PCDHGB6: variants seen among roughly 807,000 people sequenced by gnomAD.
PCDHGB6 encodes the protein protocadherin gamma subfamily B, 6, also known as protocadherin gamma-B6.
A neutral mutation model predicts 59.1 loss-of-function variants in PCDHGB6; 51 were observed. The observed-to-expected ratio is 0.86, with a 90% CI of 0.69 to 1.09. The LOEUF (loss-of-function observed/expected upper bound fraction) is 1.09, where lower values mean the gene tolerates loss of function less well. Ranked by LOEUF, PCDHGB6 falls within the 50% of genes least tolerant of loss-of-function variation. PCDHGB6 has a pLI of 0.00. For missense variants in PCDHGB6, 1,148 were observed against 1,205.1 expected (o/e 0.95, Z 0.70); for synonymous variants, 466 against 495.1 (o/e 0.94, Z 0.78).
intron 2 of PCDHGB6, among the ~76,000 whole-genome samples, chr5:141,497,721 G>A (rs2099778948): frequency 6.6e-6 from 1 of 152,006 alleles, no homozygotes; most frequent in African/African-American, 2.4e-5. Flanking sequence ...TGTATTTTTA[G>A]TAGAGATGGG....
chr5:141,455,529 G>A (rs2098825323), intron 1 of PCDHGB6, among the ~76,000 whole-genome samples: 1 of 152,146 alleles, frequency 6.6e-6, no homozygotes, highest in Non-Finnish European at 1.5e-5. Flanking sequence ...GGTTTGACCA[G>A]GCATATCATT....
intron 1 of PCDHGB6, chr5:141,479,646 A>G (rs2099501987): frequency 6.6e-6 from 1 of 152,256 alleles, no homozygotes; most frequent in Admixed American, 6.5e-5. Context: ...CAACAACAAC[A>G]ACAACAATCC....
In PCDHGB6 at chr5:141,485,146, G is replaced by C; in HGVS notation, c.2419-9661G>C. 6.4e-7 allele frequency: 1 copy of C among 1,569,470 alleles called. No individual in the cohort carries two copies. Among genetic ancestry groups the C allele is most frequent in the Non-Finnish European group, 8.7e-7 (1 of 1,143,568 alleles). On this transcript the variant is annotated intron_variant, in intron 1 of 3. Transcript: ENST00000520790. The surrounding 1 kb of genome is among the most constrained non-coding windows in gnomAD (Gnocchi z 5.7). Reference sequence around the variant, plus strand: ...GGTCGGCTTCATCCGCGTCTCAGGAGCAAGTAGAGAATTAGCGGGCGGCAG... The same window carrying C: ...GGTCGGCTTCATCCGCGTCTCAGGACCAAGTAGAGAATTAGCGGGCGGCAG...
chr5:141,475,384 A>T (rs2099362853), intron 1 of PCDHGB6, among the ~76,000 whole-genome samples: 1 of 152,370 alleles, frequency 6.6e-6, no homozygotes, highest in East Asian at 1.9e-4. Flanking sequence ...TTTAAATTTT[A>T]TAAGCCAGAG....
chr5:141,420,067 A>G (rs2096463342), intron 1 of PCDHGB6: 2 of 1,614,034 alleles, frequency 1.2e-6, no homozygotes, highest in East Asian at 2.2e-5. Flanking sequence ...CCAAGTCCGG[A>G]CCTGTGGGTC....
intron 1 of PCDHGB6, among the ~76,000 whole-genome samples, chr5:141,481,103 C>G (rs190529217): frequency 2.6e-4 from 39 of 152,252 alleles, no homozygotes; most frequent in Non-Finnish European, 3.4e-4. Context: ...TACTCTGGAA[C>G]CTACCAATCC....
At chr5:141,428,163 C>T (rs759273230) in intron 1 of PCDHGB6, 77 of 1,564,636 alleles carry the variant, frequency 4.9e-5, no homozygotes, top group Non-Finnish European at 6.3e-5. Flanking sequence ...CTGCTGGTTG[C>T]TGTGCGTGAC....
intron 1 of PCDHGB6, among the ~76,000 whole-genome samples, chr5:141,436,477 G>A (rs748354852): frequency 1.3e-5 from 2 of 152,168 alleles, no homozygotes; most frequent in Non-Finnish European, 2.9e-5. Context: ...ATGTATCATA[G>A]AAGGATAGCA....
At chr5:141,433,607 G>T (rs1209706866) in intron 1 of PCDHGB6, among the ~76,000 whole-genome samples, 1 of 152,080 alleles carries the variant, frequency 6.6e-6, no homozygotes. Flanking sequence ...AGGCCGAGGC[G>T]GGTGGATCAC....
At position 141,493,774 on chromosome 5, in the gene PCDHGB6, C is replaced by T. The variant is rs2099749996; in HGVS notation, c.2419-1033C>T. On this transcript the variant is annotated intron_variant, in intron 1 of 3. Coordinates refer to ENST00000520790, the MANE Select transcript of PCDHGB6 (RefSeq NM_018926.3). The surrounding 1 kb of genome is among the most constrained non-coding windows in gnomAD (Gnocchi z 4.3). ...GCCTTGAGTGAGCCACTGGCAGTTC[C>T]GGAGCTTCCTTCTCCCTGGAGTAAT... Among the ~76,000 whole-genome samples, 1 of 152,258 alleles carries T rather than the reference C, an allele frequency of 6.6e-6. No homozygotes were observed. The highest frequency in any genetic ancestry group is 1.9e-4 in the East Asian group (1 of 5,176).
rs13184346 is a variant in PCDHGB6 at position 141,409,657 on chromosome 5, C to T, written c.1455C>T (p.Gly485=). The change falls in exon 1 of 4, where the codon GGC becomes GGT. Residue 485 remains glycine (G), a synonymous_variant. Coordinates refer to ENST00000520790, the MANE Select transcript of PCDHGB6 (RefSeq NM_018926.3). ...SASDPDLGLN[G]HISYSIVASD... is the part of the protein sequence containing the mutation. Reference sequence around the variant, plus strand: ...CTGACCCGGATTTGGGGCTCAATGGCCACATCTCCTACTCTATAGTGGCGA... The same window carrying T: ...CTGACCCGGATTTGGGGCTCAATGGTCACATCTCCTACTCTATAGTGGCGA... 1 of 1,613,620 alleles carries T rather than the reference C, an allele frequency of 6.2e-7. No homozygotes were observed. Among genetic ancestry groups the T allele is most frequent in the Non-Finnish European group, 8.5e-7 (1 of 1,179,886 alleles).
intron 1 of PCDHGB6, among the ~76,000 whole-genome samples, chr5:141,462,331 T>C (rs909948238): frequency 6.6e-6 from 1 of 152,244 alleles, no homozygotes; most frequent in African/African-American, 2.4e-5. Context: ...TCTAATTTAA[T>C]TGTATTGTGA....
chr5:141,458,556 T>C (rs1424881453), intron 1 of PCDHGB6, among the ~76,000 whole-genome samples: 1 of 145,670 alleles, frequency 6.9e-6, no homozygotes, highest in Non-Finnish European at 1.5e-5. Flanking sequence ...TTGTTTGTTT[T>C]GGTTTTGGGT....
Position 141,477,312 on chromosome 5 carries a change from TTACTTC to T in PCDHGB6, c.2419-17493_2419-17488del, listed in dbSNP as rs773034406. Reference sequence around the variant, plus strand: ...GTTCCACCGGGTCTCCCTTTCAGCCTTACTTCTTCCCTCAAGAATTACTTCACTTTG... The same window carrying T: ...GTTCCACCGGGTCTCCCTTTCAGCCTTTCCCTCAAGAATTACTTCACTTTG... On this transcript the variant is annotated intron_variant, in intron 1 of 3. Coordinates refer to ENST00000520790, the MANE Select transcript of PCDHGB6 (RefSeq NM_018926.3). The surrounding 1 kb of genome is among the most constrained non-coding windows in gnomAD (Gnocchi z 4.9). The T allele has an allele frequency of 2.5e-6, 4 of 1,614,162 alleles. No homozygotes were observed. Among genetic ancestry groups the T allele is most frequent in the Non-Finnish European group, 3.4e-6 (4 of 1,180,032 alleles).
intron 1 of PCDHGB6, among the ~76,000 whole-genome samples, chr5:141,472,980 C>CAAA (rs60579131): frequency 5.8e-5 from 5 of 86,104 alleles, no homozygotes; most frequent in Non-Finnish European, 1.0e-4. Context: ...GAGTGAAACT[C>CAAA]AAAAAAAAAA....
intron 1 of PCDHGB6, among the ~76,000 whole-genome samples, chr5:141,429,387 T>TA (rs11410533): frequency 0.01 from 1,566 of 151,436 alleles, 8 homozygotes; most frequent in Middle Eastern, 0.031. Flanking sequence ...GTTTTTTTTT[T>TA]AAAAAAAATT....
chr5:141,438,735 C>T (rs2098057719), intron 1 of PCDHGB6, among the ~76,000 whole-genome samples: 1 of 149,150 alleles, frequency 6.7e-6, no homozygotes, highest in South Asian at 2.1e-4. Context: ...GATCTCAGCT[C>T]ACTGCAACCT....
At chr5:141,437,187 G>A (rs1055878763) in intron 1 of PCDHGB6, among the ~76,000 whole-genome samples, 1 of 152,148 alleles carries the variant, frequency 6.6e-6, no homozygotes, top group Non-Finnish European at 1.5e-5. Context: ...ACTGGGCAAT[G>A]GGTTTGGATG....
At chr5:141,410,736 A>G (rs553799279) in intron 1 of PCDHGB6, 116 bp downstream of exon 1, 1 of 1,334,690 alleles carries the variant, frequency 7.5e-7, no homozygotes, top group East Asian at 2.4e-5. Flanking sequence ...ATAGCTTTTT[A>G]CAATATTTTC....
Sources: gnomAD v4.1 joint callset for allele counts (sites outside exome capture counted in the v4.1 genomes callset) on GRCh38, gnomAD v4.1.1 for gene constraint, Gnocchi (gnomAD v3.1) non-coding constraint, MANE v1.5 for transcripts, NCBI Gene and HGNC (gene_info 2026-07-23, HGNC 2026-07-21) for gene names.